TBX1: variants seen among roughly 807,000 people sequenced by gnomAD.
The protein encoded by TBX1 is T-box transcription factor TBX1.
TBX1 carries 16 observed loss-of-function variants against 40.8 expected under a neutral mutation model. The ratio of observed to expected loss-of-function variants is 0.39; its 90% CI spans 0.27 to 0.60. The LOEUF (loss-of-function observed/expected upper bound fraction) is 0.60, where lower values mean the gene tolerates loss of function less well. TBX1 is among the 20% of genes least tolerant of loss of function. TBX1 has a pLI of 0.51. For synonymous variants in TBX1, 403 were observed against 336.8 expected (o/e 1.20, Z -2.15); for missense variants, 755 against 728.5 (o/e 1.04, Z -0.42).
At chr22:19,778,432 T>C (rs964995958) in intron 8 of TBX1, among the ~76,000 whole-genome samples, 2 of 147,434 alleles carry the variant, frequency 1.4e-5, no homozygotes, top group African/African-American at 2.6e-5. Context: ...TTCTTTCTTT[T>C]CTTCTTCTTT....
chr22:19,763,391 G>T (rs1385507202), intron 2 of TBX1, 49 bp downstream of exon 2: 3 of 1,582,748 alleles, frequency 1.9e-6, no homozygotes, highest in Non-Finnish European at 2.6e-6. Context: ...ACCCTGGAAA[G>T]TGGCGGGTCT....
downstream of TBX1, among the ~76,000 whole-genome samples, chr22:19,770,547 C>T (rs1213744634): frequency 1.3e-5 from 2 of 152,214 alleles, no homozygotes; most frequent in South Asian, 2.1e-4. Context: ...CGGGACAAGG[C>T]GAGTCTGTTT....
chr22:19,765,639 T>A (rs1936807587), intron 4 of TBX1, 119 bp from the exon 5 acceptor site: 2 of 1,129,050 alleles, frequency 1.8e-6, no homozygotes, highest in Non-Finnish European at 2.6e-6. Context: ...GACTGGTTCT[T>A]GTCAGGGCAG....
intron 8 of TBX1, among the ~76,000 whole-genome samples, chr22:19,774,442 G>C (rs546118852): frequency 6.6e-6 from 1 of 152,150 alleles, no homozygotes; most frequent in Admixed American, 6.5e-5. Context: ...ACATAGAACC[G>C]TATGTTCCAG....
chr22:19,762,329 G>A (rs1311370668), intron 1 of TBX1, among the ~76,000 whole-genome samples: 1 of 152,228 alleles, frequency 6.6e-6, no homozygotes, highest in African/African-American at 2.4e-5. Flanking sequence ...CCTAGAGGCT[G>A]GCTCCTGGCA....
At position 19,766,674 on chromosome 22, in the gene TBX1, G is replaced by A. The variant is rs768181576; in HGVS notation, c.1322G>A (p.Arg441Gln). The A allele has an allele frequency of 6.5e-7, 1 of 1,549,748 alleles. No individual in the cohort carries two copies. Among genetic ancestry groups the A allele is most frequent in the East Asian group, 2.6e-5 (1 of 38,906 alleles). The change falls in exon 7 of 7, where the codon CGG becomes CAG. Residue 441 changes from arginine (R) to glutamine (Q), a missense_variant. This residue lies in a region of TBX1 where 412 missense variants were observed against 317.6 expected (regional missense o/e 1.30). Transcript: ENST00000649276. ...GACCACTATCTCGGGGCCAAGAGCC[G>A]GCCGGCGCCCTACCCGCTGCCCGGC... ...AYDHYLGAKS[R>Q]PAPYPLPGLR...
chr22:19,783,501 G>T (rs951907986), downstream of TBX1: 5 of 242,008 alleles, frequency 2.1e-5, no homozygotes, highest in Non-Finnish European at 4.1e-5. Flanking sequence ...AGTAAGCTAT[G>T]ATCATGCCAC....
chr22:19,761,847 T>C (rs1328514237), intron 1 of TBX1, among the ~76,000 whole-genome samples: 1 of 152,244 alleles, frequency 6.6e-6, no homozygotes, highest in Non-Finnish European at 1.5e-5. Context: ...CCTAGATCCC[T>C]ATAGTTGTGG....
chr22:19,782,026 T>G (rs1056143787), downstream of TBX1, among the ~76,000 whole-genome samples: 8 of 152,222 alleles, frequency 5.3e-5, no homozygotes, highest in Non-Finnish European at 8.8e-5. Flanking sequence ...TACATCTGCC[T>G]TTATGCCAGT....
downstream of TBX1, among the ~76,000 whole-genome samples, chr22:19,781,111 T>C (rs1937139004): frequency 6.6e-6 from 1 of 152,192 alleles, no homozygotes; most frequent in Non-Finnish European, 1.5e-5. Flanking sequence ...GGTGTACCCA[T>C]CCTCATGGGT....
At chr22:19,769,905 T>C (rs1936960190), downstream of TBX1, among the ~76,000 whole-genome samples, 1 of 152,264 alleles carries the variant, frequency 6.6e-6, no homozygotes, top group South Asian at 2.1e-4. Flanking sequence ...TTGTCCTAGC[T>C]GCACTACTGG....
downstream of TBX1, among the ~76,000 whole-genome samples, chr22:19,771,214 G>T (rs1445859158): frequency 6.6e-6 from 1 of 152,226 alleles, no homozygotes; most frequent in Non-Finnish European, 1.5e-5. Flanking sequence ...GCAGGTGGGG[G>T]CACGGCCCCC....
At position 19,764,203 on chromosome 22, in the gene TBX1, T is replaced by C. The variant is rs1936758322; in HGVS notation, c.588T>C (p.Pro196=). The C allele has an allele frequency of 5.0e-6, 8 of 1,612,752 alleles. No homozygotes were observed. The highest frequency in any genetic ancestry group is 6.8e-6 in the Non-Finnish European group (8 of 1,179,934). Residue 196 remains proline, a synonymous_variant, in exon 3 of 7, where the codon CCT becomes CCC. Coordinates refer to ENST00000649276, the MANE Select transcript of TBX1 (RefSeq NM_001379200.1). ...SSWLVAGKAD[P]ATPGRVHYHP... is the part of the protein sequence containing the mutation. Reference sequence around the variant, plus strand: ...GGCTGGTGGCGGGGAAGGCCGACCCTGCCACGCCAGGCCGCGTGCACTACC... The same window carrying C: ...GGCTGGTGGCGGGGAAGGCCGACCCCGCCACGCCAGGCCGCGTGCACTACC...
chr22:19,766,638 C>T lies in TBX1; in HGVS notation c.1286C>T (p.Ala429Val), dbSNP rs754328637. ...PLHHHPYKYP[A>V]AAYDHYLGAK... is the part of the protein sequence containing the mutation. ...CACCACCACCCCTACAAATATCCGG[C>T]CGCCGCCTACGACCACTATCTCGGG... Residue 429 changes from alanine to valine, a missense_variant, in exon 7 of 7, where the codon GCC (alanine) becomes GTC (valine). Ala to Val is a moderately conservative substitution (Grantham distance 64). Around this residue, in one of 3 missense-constraint regions of TBX1, gnomAD observed 412 missense variants for 317.6 expected, o/e 1.30. Transcript: ENST00000649276. 6.4e-6 allele frequency: 10 copies of T among 1,550,980 alleles called. 1 individual carries two copies. Among genetic ancestry groups the T allele is most frequent in the South Asian group, 5.8e-5 (5 of 86,060 alleles).
downstream of TBX1, among the ~76,000 whole-genome samples, chr22:19,769,836 C>T (rs1936958442): frequency 6.6e-6 from 1 of 152,266 alleles, no homozygotes; most frequent in Admixed American, 6.5e-5. Flanking sequence ...AGACCTCCAG[C>T]CTCCAGAACT....
intron 8 of TBX1, among the ~76,000 whole-genome samples, chr22:19,775,223 A>G (rs957824101): frequency 6.6e-6 from 1 of 152,028 alleles, no homozygotes; most frequent in Admixed American, 6.6e-5. Context: ...CCTCCCAAGT[A>G]GCTGGGATTA....
chr22:19,765,203 G>A (rs1228387750), intron 4 of TBX1, 90 bp downstream of exon 4: 2 of 1,576,354 alleles, frequency 1.3e-6, no homozygotes, highest in Non-Finnish European at 8.7e-7. Flanking sequence ...CAGTGGGTCC[G>A]CTTAGACCTG....
downstream of TBX1, among the ~76,000 whole-genome samples, chr22:19,779,793 A>G (rs1256305582): frequency 2.0e-5 from 3 of 152,194 alleles, no homozygotes; most frequent in Non-Finnish European, 4.4e-5. Context: ...GCTTTTCTCT[A>G]TCGCGTTCTT....
chr22:19,772,077 ATT>A (rs1445468148), downstream of TBX1, among the ~76,000 whole-genome samples: 1 of 152,130 alleles, frequency 6.6e-6, no homozygotes, highest in Non-Finnish European at 1.5e-5. Flanking sequence ...TTCCTCTGTC[ATT>A]CTAGCTTCAG....
Sources: allele counts gnomAD v4.1 joint callset (sites outside exome capture counted in the v4.1 genomes callset), GRCh38; gene constraint gnomAD v4.1.1; regional missense constraint gnomAD v4.1.1; transcripts MANE v1.5; gene names NCBI Gene and HGNC (gene_info 2026-07-23, HGNC 2026-07-21).